SVEP1: variants seen among roughly 807,000 people sequenced by gnomAD.
SVEP1 encodes sushi, von Willebrand factor type A, EGF and pentraxin domain containing 1, also known as sushi, von Willebrand factor type A, EGF and pentraxin domain-containing protein 1.
Under a neutral mutation model 367.3 loss-of-function variants are expected in SVEP1, and 164 were observed. The observed-to-expected ratio is 0.45, with a 90% CI of 0.39 to 0.51. The LOEUF (loss-of-function observed/expected upper bound fraction) is 0.51, where lower values mean the gene tolerates loss of function less well. SVEP1 is among the 20% of genes least tolerant of loss of function. SVEP1 has a pLI of 0.00. For missense variants in SVEP1, 4,117 were observed against 4,425.3 expected (o/e 0.93, Z 1.98); for synonymous variants, 1,666 against 1,611.6 (o/e 1.03, Z -0.81).
At chr9:110,395,871 C>T (rs1449121939) in intron 40 of SVEP1, among the ~76,000 whole-genome samples, 7 of 152,036 alleles carry the variant, frequency 4.6e-5, no homozygotes, top group African/African-American at 9.7e-5. Flanking sequence ...TAGTGACCTA[C>T]AAAGAGACTT....
chr9:110,436,981 T>C (rs544363566), intron 27 of SVEP1, among the ~76,000 whole-genome samples: 2 of 152,304 alleles, frequency 1.3e-5, no homozygotes, highest in East Asian at 3.9e-4. Flanking sequence ...GTAACTTCTC[T>C]GTATCAGCTG....
chr9:110,479,048 G>T (rs953958761), intron 13 of SVEP1, among the ~76,000 whole-genome samples: 15 of 152,080 alleles, frequency 9.9e-5, no homozygotes, highest in South Asian at 4.2e-4. Flanking sequence ...CTCCTGAGTA[G>T]CTGGGATTAC....
At chr9:110,546,660 G>A (rs1830225174) in intron 2 of SVEP1, among the ~76,000 whole-genome samples, 2 of 152,148 alleles carry the variant, frequency 1.3e-5, no homozygotes, top group Non-Finnish European at 1.5e-5. Flanking sequence ...CTCTGGGTGA[G>A]GTCAGGCCCC....
chr9:110,519,367 C>T (rs1267719035), intron 3 of SVEP1, among the ~76,000 whole-genome samples: 1 of 152,128 alleles, frequency 6.6e-6, no homozygotes, highest in African/African-American at 2.4e-5. Flanking sequence ...ATATTACCTT[C>T]CTTTCTTTCC....
intron 4 of SVEP1, 126 bp from the exon 5 acceptor site, chr9:110,513,231 C>A: frequency 2.2e-6 from 2 of 904,838 alleles, no homozygotes; most frequent in Non-Finnish European, 3.2e-6. Context: ...TTTCCATTTA[C>A]CGCATTTGGA....
intron 9 of SVEP1, among the ~76,000 whole-genome samples, chr9:110,484,696 T>C (rs56803744): frequency 0.02 from 2,987 of 152,212 alleles, 97 homozygotes; most frequent in African/African-American, 0.068. Flanking sequence ...TCTATCCATC[T>C]GACAAAGGTC....
rs76737380 is a variant in SVEP1, at chr9:110,415,732, T to C, written c.5976-3997A>G. ...CCCTCCCTCTATAATACTTGACGAA[T>C]TACAACACAAATTATTTTAAATGCA... On this transcript the variant is annotated intron_variant, in intron 36 of 47. Coordinates refer to ENST00000374469, the MANE Select transcript of SVEP1 (RefSeq NM_153366.4). Among the ~76,000 whole-genome samples the C allele has an allele frequency of 3.9e-5, 6 of 152,024 alleles. No homozygotes were observed. In the East Asian group the frequency reaches 1.2e-3, roughly 29 times the overall value.
Position 110,379,386 on chromosome 9 carries a change from A to C in SVEP1, c.10369T>G (p.Leu3457Val). Residue 3457 changes from leucine to valine, a missense_variant, in exon 44 of 48, where the codon TTA (leucine) becomes GTA (valine). Around this residue, in one of 4 missense-constraint regions of SVEP1, gnomAD observed 1,765 missense variants for 1,781.1 expected, o/e 0.99. Coordinates refer to ENST00000374469, the MANE Select transcript of SVEP1 (RefSeq NM_153366.4). Reference sequence around the variant, plus strand: ...GGTGATGTCCATGTTCCATTTTCTAAACAAACACTCCTCAGGAAACCCTCC... The same window carrying C: ...GGTGATGTCCATGTTCCATTTTCTACACAAACACTCCTCAGGAAACCCTCC... ...MLEGFLRSVC[L>V]ENGTWTSPPI... 6.2e-7 allele frequency: 1 copy of C among 1,613,786 alleles called. No homozygotes were observed. The highest frequency in any genetic ancestry group is 8.5e-7 in the Non-Finnish European group (1 of 1,179,780).
intron 41 of SVEP1, among the ~76,000 whole-genome samples, chr9:110,388,759 G>T (rs573032777): frequency 6.6e-6 from 1 of 152,050 alleles, no homozygotes; most frequent in Non-Finnish European, 1.5e-5. Flanking sequence ...GCTTGAAGCC[G>T]GGAGTTCGAG....
rs1827194490 is a variant in SVEP1, at chr9:110,366,093, T to A, written c.*446A>T. The A allele has an allele frequency of 6.5e-6, 1 of 154,890 alleles. No homozygotes were observed. Among genetic ancestry groups the A allele is most frequent in the African/African-American group, 2.4e-5 (1 of 41,550 alleles). 9.6% of individuals were successfully genotyped at this position (154,890 alleles called of 1,614,324 possible). ...TTATTGTAAGGGGTCTCCTATGTGGTGCCAGTGGCACAGATGAAAGATCAT... is the reference window on the plus strand; with the variant it reads ...TTATTGTAAGGGGTCTCCTATGTGGAGCCAGTGGCACAGATGAAAGATCAT... On this transcript the variant is annotated 3_prime_UTR_variant, in exon 48 of 48. Transcript: ENST00000374469.
In SVEP1 at chr9:110,560,696, T is replaced by C. The variant is rs191051997; in HGVS notation, c.532-10592A>G. On this transcript the variant is annotated intron_variant, in intron 1 of 47. Transcript: ENST00000374469. ...GTTCCCTCCTCCTGTTTTCAAGATA[T>C]ATCAAATATCTTTCAAGTCTGAAAT... Among the ~76,000 whole-genome samples the C allele has an allele frequency of 3.3e-3, 496 of 152,262 alleles. 2 individuals carry two copies. Among genetic ancestry groups the C allele is most frequent in the African/African-American group, 0.011 (469 of 41,544 alleles).
At chr9:110,520,267 C>T (rs1056053885) in intron 3 of SVEP1, among the ~76,000 whole-genome samples, 1 of 151,972 alleles carries the variant, frequency 6.6e-6, no homozygotes, top group Non-Finnish European at 1.5e-5. Flanking sequence ...TTCCTTGATT[C>T]CCAAGGGGGA....
At position 110,401,020 on chromosome 9, in the gene SVEP1, A is replaced by G. The variant is rs373244473; in HGVS notation, c.9667-11T>C. The G allele has an allele frequency of 5.0e-6, 8 of 1,612,568 alleles. No individual in the cohort carries two copies. The African/African-American group carries it at 1.1e-4, about 22-fold the overall frequency. On this transcript the variant is annotated splice_polypyrimidine_tract_variant and intron_variant, in intron 39 of 47. Transcript: ENST00000374469. ...CCAGGTTCCATCAAGCTAAGTGACA[A>G]ATAACAAAATGTAAGTTATGTTTAG...
At chr9:110,414,218 C>G (rs1383434811) in intron 36 of SVEP1, among the ~76,000 whole-genome samples, 5 of 152,048 alleles carry the variant, frequency 3.3e-5, no homozygotes, top group Non-Finnish European at 7.3e-5. Context: ...CTCCTGAGAT[C>G]TCTTTTAGTT....
chr9:110,465,418 A>G (rs542588015), intron 18 of SVEP1, among the ~76,000 whole-genome samples: 9 of 152,346 alleles, frequency 5.9e-5, no homozygotes, highest in Non-Finnish European at 1.0e-4. Flanking sequence ...GATGATTCTA[A>G]TGTGCTGCCT....
intron 3 of SVEP1, among the ~76,000 whole-genome samples, chr9:110,528,618 C>G (rs1005466194): frequency 4.0e-5 from 6 of 151,714 alleles, no homozygotes; most frequent in Non-Finnish European, 8.8e-5. Context: ...TGAGAAATGT[C>G]TAAGTTGATT....
chr9:110,514,074 A>T lies in SVEP1; in HGVS notation c.997T>A (p.Ser333Thr). 6.2e-7 allele frequency: 1 copy of T among 1,611,148 alleles called. No homozygotes were observed. Among genetic ancestry groups the T allele is most frequent in the Non-Finnish European group, 8.5e-7 (1 of 1,178,620 alleles). Residue 333 changes from serine (S) to threonine (T), a missense_variant, in exon 4 of 48, where the codon TCA (serine) becomes ACA (threonine). Transcript: ENST00000374469. The part of the protein sequence containing the change: ...CPSGTYKPEG[S>T]PGGISSCIPC... The stretch of plus-strand genomic sequence containing the variant: ...ATGCAACTGCTGATTCCTCCTGGTG[A>T]GCCTTCAGGTTTGTATGTCCCCGAT...
At chr9:110,509,350 A>G (rs1228641349) in intron 5 of SVEP1, among the ~76,000 whole-genome samples, 1 of 152,266 alleles carries the variant, frequency 6.6e-6, no homozygotes, top group Non-Finnish European at 1.5e-5. Flanking sequence ...AGCATTAGTG[A>G]AAGTGTAAGG....
chr9:110,444,149 A>T (rs972178610), intron 26 of SVEP1, among the ~76,000 whole-genome samples: 14 of 152,228 alleles, frequency 9.2e-5, no homozygotes, highest in Non-Finnish European at 1.9e-4. Context: ...TAGATACTTC[A>T]TCAAACAAAC....
Sources: gnomAD v4.1 joint callset for allele counts (sites outside exome capture counted in the v4.1 genomes callset) on GRCh38, gnomAD v4.1.1 for gene constraint, gnomAD v4.1.1 regional missense constraint, MANE v1.5 for transcripts, NCBI Gene and HGNC (gene_info 2026-07-23, HGNC 2026-07-21) for gene names.